B3GLCT: variants seen among roughly 807,000 people sequenced by gnomAD.
The protein encoded by B3GLCT is beta-1,3-glucosyltransferase.
A neutral mutation model predicts 63.4 loss-of-function variants in B3GLCT; 65 were observed. That is an observed-to-expected ratio of 1.03 (90% CI 0.84 to 1.26). B3GLCT has a LOEUF of 1.26. B3GLCT is among the 50% of genes most tolerant of loss of function. B3GLCT has a pLI of 0.00. For missense variants in B3GLCT, 577 were observed against 604.8 expected, an observed-to-expected ratio of 0.95 and a Z score of 0.48; for synonymous variants, 233 against 219.2, an observed-to-expected ratio of 1.06 and a Z score of -0.55.
At chr13:31,265,409 C>T (rs1872243001) in intron 7 of B3GLCT, among the ~76,000 whole-genome samples, 1 of 152,146 alleles carries the variant, frequency 6.6e-6, no homozygotes, top group Admixed American at 6.5e-5. Context: ...TGTTGATTCC[C>T]TTTGTGTCCT....
chr13:31,316,407 T>TTATATATATATATATATA (rs71099949), intron 12 of B3GLCT, among the ~76,000 whole-genome samples: 3,088 of 40,596 alleles, frequency 0.076, 549 homozygotes, highest in Non-Finnish European at 0.13. Context: ...TTTGGAGGTT[T>TTATATATATATATATATA]TATATATATA....
chr13:31,235,697 A>C (rs982404106), intron 4 of B3GLCT, among the ~76,000 whole-genome samples: 7 of 152,180 alleles, frequency 4.6e-5, no homozygotes, highest in African/African-American at 1.4e-4. Flanking sequence ...GTAATAAAAA[A>C]CACCTAAAAT....
At chr13:31,254,127 A>G (rs1273866372) in intron 6 of B3GLCT, among the ~76,000 whole-genome samples, 2 of 152,200 alleles carry the variant, frequency 1.3e-5, no homozygotes, top group African/African-American at 4.8e-5. Context: ...ATTCCTTCTG[A>G]AACTACTCCA....
intron 2 of B3GLCT, among the ~76,000 whole-genome samples, chr13:31,217,686 T>C (rs1261378316): frequency 6.6e-6 from 1 of 152,248 alleles, no homozygotes; most frequent in Admixed American, 6.5e-5. Context: ...GCACCATTTA[T>C]TGAATAGTGA....
intron 12 of B3GLCT, among the ~76,000 whole-genome samples, chr13:31,293,489 A>G (rs1873782286): frequency 6.6e-6 from 1 of 152,120 alleles, no homozygotes; most frequent in Non-Finnish European, 1.5e-5. Context: ...ATGCTCCGGT[A>G]TTGGGTGCAT....
At chr13:31,326,795 T>G (rs1593324767) in intron 14 of B3GLCT, among the ~76,000 whole-genome samples, 1 of 152,336 alleles carries the variant, frequency 6.6e-6, no homozygotes, top group Non-Finnish European at 1.5e-5. Context: ...TTTTCTGGTT[T>G]TGTCTAATGC....
rs144176018 is a variant in B3GLCT, at chr13:31,326,532, C to T, written c.1329+2637C>T. 6.9e-3 allele frequency among the ~76,000 whole-genome samples: 1,053 copies of T among 152,080 alleles called. 4 individuals carry two copies. Among genetic ancestry groups the T allele is most frequent in the Middle Eastern group, 0.024 (7 of 294 alleles). On this transcript the variant is annotated intron_variant, in intron 14 of 14. Transcript: ENST00000343307. ...TCCTGACCTTGTGATCCACCTGCCTCGGCCTCCCAAAGTGCTGGGATTACA... is the reference window on the plus strand; with the variant it reads ...TCCTGACCTTGTGATCCACCTGCCTTGGCCTCCCAAAGTGCTGGGATTACA...
intron 4 of B3GLCT, among the ~76,000 whole-genome samples, chr13:31,244,166 T>G (rs1424052699): frequency 6.6e-6 from 1 of 152,240 alleles, no homozygotes; most frequent in Non-Finnish European, 1.5e-5. Context: ...TGAAAACTAT[T>G]TCTTAGTTAT....
intron 5 of B3GLCT, 38 bp from the exon 6 acceptor site, chr13:31,247,817 T>C (rs1439141181): frequency 9.4e-7 from 1 of 1,062,086 alleles, no homozygotes; most frequent in South Asian, 1.3e-5. Flanking sequence ...TAACTTATTT[T>C]ACAGAAGTGA....
intron 10 of B3GLCT, among the ~76,000 whole-genome samples, chr13:31,284,434 G>GCTT (rs1370224468): frequency 6.6e-6 from 1 of 152,180 alleles, no homozygotes; most frequent in Non-Finnish European, 1.5e-5. Context: ...AATGAGAAAT[G>GCTT]CTTTACTCTA....
At chr13:31,204,633 G>A (rs939398731) in intron 1 of B3GLCT, among the ~76,000 whole-genome samples, 4 of 152,164 alleles carry the variant, frequency 2.6e-5, no homozygotes, top group African/African-American at 9.7e-5. Context: ...AGAGCAGAGG[G>A]AAGTGTTTGA....
chr13:31,229,067 C>T, intron 3 of B3GLCT, 118 bp from the exon 4 acceptor site: 1 of 685,008 alleles, frequency 1.5e-6, no homozygotes, highest in South Asian at 1.7e-5. Context: ...TTGATTTTTT[C>T]CCATTAAGAG....
At chr13:31,326,275 CTTTTTTT>C (rs11415456) in intron 14 of B3GLCT, among the ~76,000 whole-genome samples, 8 of 75,868 alleles carry the variant, frequency 1.1e-4, no homozygotes, top group Non-Finnish European at 1.6e-4. Context: ...AGGTCTTTCC[CTTTTTTT>C]TTTTTTTTTT....
intron 11 of B3GLCT, 38 bp from the exon 12 acceptor site, chr13:31,286,682 A>G: frequency 7.8e-7 from 1 of 1,280,378 alleles, no homozygotes; most frequent in South Asian, 1.2e-5. Context: ...ATTTTATAAG[A>G]AATAATACAT....
intron 1 of B3GLCT, among the ~76,000 whole-genome samples, chr13:31,206,386 A>G (rs1868952555): frequency 6.6e-6 from 1 of 152,192 alleles, no homozygotes; most frequent in African/African-American, 2.4e-5. Flanking sequence ...CTGGGCCACC[A>G]TAGGCCCGGA....
intron 4 of B3GLCT, among the ~76,000 whole-genome samples, chr13:31,232,222 A>G (rs1227650986): frequency 6.6e-6 from 1 of 152,190 alleles, no homozygotes; most frequent in Non-Finnish European, 1.5e-5. Flanking sequence ...ATCACTTGCC[A>G]TATTAGTCCA....
At chr13:31,325,102 A>G (rs755249670) in intron 14 of B3GLCT, among the ~76,000 whole-genome samples, 8 of 152,238 alleles carry the variant, frequency 5.3e-5, no homozygotes, top group Non-Finnish European at 1.0e-4. Flanking sequence ...AAACAACTCG[A>G]ATAAGACTAA....
intron 13 of B3GLCT, 115 bp from the exon 14 acceptor site, chr13:31,323,636 G>GCTA (rs1342884991): frequency 2.7e-5 from 32 of 1,194,060 alleles, no homozygotes; most frequent in Non-Finnish European, 3.7e-5. Context: ...ACTAGAGAAA[G>GCTA]CTACTATTGC....
At chr13:31,208,925 C>T (rs1196249558) in intron 1 of B3GLCT, among the ~76,000 whole-genome samples, 11 of 152,052 alleles carry the variant, frequency 7.2e-5, no homozygotes, top group Non-Finnish European at 1.0e-4. Context: ...GGTTCCTGCC[C>T]GGGTCACCCC....
Sources: allele counts gnomAD v4.1 joint callset (sites outside exome capture counted in the v4.1 genomes callset), GRCh38; gene constraint gnomAD v4.1.1; transcripts MANE v1.5; gene names NCBI Gene and HGNC (gene_info 2026-07-23, HGNC 2026-07-21).